The following PPA2 variants were observed in gnomAD, a reference collection of about 807,000 sequenced individuals.
PPA2 encodes inorganic pyrophosphatase 2, also known as inorganic pyrophosphatase 2, mitochondrial.
A neutral mutation model predicts 49.5 loss-of-function variants in PPA2; 48 were observed. The ratio of observed to expected loss-of-function variants is 0.97; its 90% CI spans 0.77 to 1.23. The LOEUF (loss-of-function observed/expected upper bound fraction) is 1.23. Ranked by LOEUF, PPA2 falls within the 50% of genes most tolerant of loss-of-function variation. PPA2 has a pLI of 0.00. For synonymous variants in PPA2, 131 were observed against 139.9 expected (o/e 0.94, Z 0.45); for missense variants, 429 against 410.1 (o/e 1.05, Z -0.40).
At chr4:105,411,579 G>T (rs992302439) in intron 7 of PPA2, among the ~76,000 whole-genome samples, 1 of 152,230 alleles carries the variant, frequency 6.6e-6, no homozygotes, top group Non-Finnish European at 1.5e-5. Context: ...AGTGTTGGAA[G>T]TTCCAGCCAG....
chr4:105,431,038 C>T (rs901433695), intron 6 of PPA2, among the ~76,000 whole-genome samples: 4 of 152,108 alleles, frequency 2.6e-5, no homozygotes, highest in African/African-American at 7.2e-5. Flanking sequence ...CTTCTCCTGC[C>T]AAACTGTACT....
chr4:105,390,297 C>A (rs922651346), intron 9 of PPA2, among the ~76,000 whole-genome samples: 14 of 151,126 alleles, frequency 9.3e-5, no homozygotes, highest in Non-Finnish European at 2.1e-4. Flanking sequence ...ACAACAAAAG[C>A]CAAAATTGGT....
intron 7 of PPA2, among the ~76,000 whole-genome samples, chr4:105,408,883 C>T (rs926217827): frequency 6.6e-6 from 1 of 152,110 alleles, no homozygotes; most frequent in Non-Finnish European, 1.5e-5. Flanking sequence ...ACCAAAAATC[C>T]TTGACAATTA....
chr4:105,386,699 C>T (rs1733701251), intron 9 of PPA2, 63 bp from the exon 10 acceptor site: 3 of 1,380,670 alleles, frequency 2.2e-6, no homozygotes. Context: ...CCAAAAAAAC[C>T]CCAAAAACTA....
intron 1 of PPA2, among the ~76,000 whole-genome samples, chr4:105,466,700 G>A (rs1484648353): frequency 2.6e-5 from 4 of 152,174 alleles, no homozygotes; most frequent in Admixed American, 2.6e-4. Context: ...AAAGACAAAT[G>A]CACGGTTTGA....
In PPA2 at chr4:105,460,733, G is replaced by A. The variant is rs116548003; in HGVS notation, c.158-3988C>T. On this transcript the variant is annotated intron_variant, in intron 1 of 11. Transcript: ENST00000341695. ...GGGGTAAAAGAAACTTGACAGAAAA[G>A]CCAGGCTGCCTTTGTAATTAAGAGT... 4.0e-3 allele frequency among the ~76,000 whole-genome samples: 602 copies of A among 152,198 alleles called. 3 individuals carry two copies. Among genetic ancestry groups the A allele is most frequent in the African/African-American group, 0.014 (571 of 41,514 alleles).
intron 10 of PPA2, among the ~76,000 whole-genome samples, chr4:105,380,125 T>C (rs922261911): frequency 3.3e-5 from 5 of 152,158 alleles, no homozygotes; most frequent in South Asian, 4.2e-4. Context: ...TGCTGAACAA[T>C]AGTAGTAGAA....
At chr4:105,392,294 AAG>A (rs1733956517) in intron 9 of PPA2, among the ~76,000 whole-genome samples, 1 of 152,156 alleles carries the variant, frequency 6.6e-6, no homozygotes, top group South Asian at 2.1e-4. Context: ...ACTTCGGAGA[AAG>A]AGAATTTTCA....
chr4:105,385,859 ATAATT>A (rs1733656914), intron 10 of PPA2, among the ~76,000 whole-genome samples: 3 of 150,650 alleles, frequency 2.0e-5, no homozygotes. Flanking sequence ...GCTGAAAAAC[ATAATT>A]TTATTTTATT....
Position 105,424,248 on chromosome 4 carries a change from A to T in PPA2, c.603T>A (p.Asp201Glu). ...TCGCATTGATAGCAATTAATTTCCA[A>T]TCTGTTTCACCTTCATCAATAAGAG... is the stretch of plus-strand genomic sequence containing the variant. The part of the protein sequence containing the change: ...ILALIDEGET[D>E]WKLIAINAND... Residue 201 changes from aspartate (D) to glutamate (E), a missense_variant, in exon 7 of 12, where the codon GAT (aspartate) becomes GAA (glutamate). Asp to Glu is a conservative substitution (Grantham distance 45). Coordinates refer to ENST00000341695, the MANE Select transcript of PPA2 (RefSeq NM_176869.3). 6.2e-7 allele frequency: 1 copy of T among 1,610,612 alleles called. No individual in the cohort carries two copies. The highest frequency in any genetic ancestry group is 8.5e-7 in the Non-Finnish European group (1 of 1,179,088).
At chr4:105,433,539 T>A (rs17035581) in intron 6 of PPA2, among the ~76,000 whole-genome samples, 17,400 of 152,224 alleles carry the variant, frequency 0.11, 1,055 homozygotes, top group Non-Finnish European at 0.13. Flanking sequence ...AGCCACTGTG[T>A]GTTTAGCTCA....
At chr4:105,417,988 G>A (rs77250627) in intron 7 of PPA2, among the ~76,000 whole-genome samples, 5,427 of 152,176 alleles carry the variant, frequency 0.036, 326 homozygotes, top group African/African-American at 0.12. Flanking sequence ...CATCCACGCG[G>A]TGCCTCAGTT....
chr4:105,441,022 A>G (rs1724336034), intron 5 of PPA2, among the ~76,000 whole-genome samples: 1 of 152,200 alleles, frequency 6.6e-6, no homozygotes. Flanking sequence ...CCTCTAATTT[A>G]ACTTGAAAAT....
chr4:105,425,760 A>ACC (rs1228662816), intron 6 of PPA2, among the ~76,000 whole-genome samples: 29 of 141,456 alleles, frequency 2.1e-4, no homozygotes, highest in African/African-American at 7.8e-4. Context: ...ACACACACAC[A>ACC]CACCCATCAG....
chr4:105,450,988 A>T (rs1324305365), intron 3 of PPA2, among the ~76,000 whole-genome samples: 3 of 152,108 alleles, frequency 2.0e-5, no homozygotes, highest in African/African-American at 7.2e-5. Context: ...CAGCCAAAAA[A>T]CTAGTCTTTC....
At chr4:105,454,091 TTTTTTTC>T (rs1722777921) in intron 2 of PPA2, among the ~76,000 whole-genome samples, 2 of 152,128 alleles carry the variant, frequency 1.3e-5, no homozygotes, top group Admixed American at 6.5e-5. Flanking sequence ...CACCAAGCAC[TTTTTTTC>T]TTTTTTCTTT....
intron 9 of PPA2, among the ~76,000 whole-genome samples, chr4:105,391,344 C>CAAAAAAAAAAAAAAAAA (rs11373169): frequency 2.0e-5 from 2 of 102,520 alleles, no homozygotes; most frequent in African/African-American, 7.6e-5. Context: ...CTTAAAGTAA[C>CAAAAAAAAAAAAAAAAA]AAAAAAAAAA....
In PPA2 at chr4:105,422,593, A is replaced by ATATATTTCTCAT. The variant is rs72016056; in HGVS notation, c.655+1602_655+1603insATGAGAAATATA. Among the ~76,000 whole-genome samples, 21 of 152,082 alleles carry ATATATTTCTCAT rather than the reference A, an allele frequency of 1.4e-4. No homozygotes were observed. The East Asian group carries it at 3.5e-3, about 25-fold the overall frequency. ...TCAAGGATGAATTGCTTGGTATAAT[A>ATATATTTCTCAT]TTATAGATGGGCTATATATTGCTCA... On this transcript the variant is annotated intron_variant, in intron 7 of 11. Transcript: ENST00000341695.
intron 9 of PPA2, among the ~76,000 whole-genome samples, chr4:105,394,555 T>C (rs1734058360): frequency 6.6e-6 from 1 of 152,108 alleles, no homozygotes; most frequent in Admixed American, 6.6e-5. Context: ...ACATAACATA[T>C]ATAAATCACT....
Sources: allele counts gnomAD v4.1 joint callset (sites outside exome capture counted in the v4.1 genomes callset), GRCh38; gene constraint gnomAD v4.1.1; transcripts MANE v1.5; gene names NCBI Gene and HGNC (gene_info 2026-07-23, HGNC 2026-07-21).